The following PRKD1 variants were observed in gnomAD, a reference collection of about 807,000 sequenced individuals.
PRKD1 encodes the protein serine/threonine-protein kinase D1.
In PRKD1, 63 loss-of-function variants were observed where a neutral mutation model predicts 95.9. The ratio of observed to expected loss-of-function variants is 0.66; its 90% CI spans 0.54 to 0.81. The LOEUF is 0.81. Among genes scored for constraint, PRKD1 ranks in the 30% least tolerant of loss-of-function variants. The probability of loss-of-function intolerance (pLI) is 0.00; values close to 1 mark genes in which losing one functional copy is unlikely to be tolerated. For synonymous variants in PRKD1, 425 were observed against 423.1 expected (o/e 1.00, Z -0.05); for missense variants, 1,048 against 1,165.3 (o/e 0.90, Z 1.47).
intron 1 of PRKD1, among the ~76,000 whole-genome samples, chr14:29,770,059 A>G (rs1888434067): frequency 6.6e-6 from 1 of 152,134 alleles, no homozygotes; most frequent in African/African-American, 2.4e-5. Context: ...CTCTTCCACC[A>G]TTGTGAGGAT....
intron 13 of PRKD1, among the ~76,000 whole-genome samples, chr14:29,618,596 A>T (rs1879030824): frequency 6.6e-6 from 1 of 152,210 alleles, no homozygotes; most frequent in Non-Finnish European, 1.5e-5. Context: ...ACATAATAAT[A>T]GTGAAGTATT....
chr14:29,576,739 T>A lies in PRKD1; in HGVS notation c.*499A>T, dbSNP rs931373526. 5.8e-6 allele frequency: 1 copy of A among 172,432 alleles called. No individual in the cohort carries two copies. The highest frequency in any genetic ancestry group is 2.4e-5 in the African/African-American group (1 of 41,976). The allele number at this position is 172,432 out of a possible 1,614,324, so 10.7% of individuals were successfully genotyped here. A position where few individuals can be genotyped will look rare whatever the true frequency, so the allele number is the denominator to read the frequency against. ...CTATACATTAAAACTTGTTCATGCA[T>A]TTGTGTCTTAGGATTTTATTCCCTA... On this transcript the variant is annotated 3_prime_UTR_variant, in exon 18 of 18. Transcript: ENST00000331968.
intron 1 of PRKD1, among the ~76,000 whole-genome samples, chr14:29,726,167 T>C (rs1457280886): frequency 6.6e-6 from 1 of 152,172 alleles, no homozygotes; most frequent in East Asian, 1.9e-4. Flanking sequence ...ATATTCTGTA[T>C]GTGAGTAGTA....
chr14:29,693,135 C>T (rs1884329131), intron 2 of PRKD1, among the ~76,000 whole-genome samples: 4 of 152,228 alleles, frequency 2.6e-5, no homozygotes, highest in Admixed American at 2.0e-4. Context: ...AGTATTTGAA[C>T]TCAACAAGCA....
At chr14:29,764,076 G>T (rs1349696072) in intron 1 of PRKD1, among the ~76,000 whole-genome samples, 1 of 152,050 alleles carries the variant, frequency 6.6e-6, no homozygotes, top group Non-Finnish European at 1.5e-5. Context: ...TCATTCTGCA[G>T]AAGAGAATCA....
intron 1 of PRKD1, among the ~76,000 whole-genome samples, chr14:29,817,095 T>G (rs1890723163): frequency 6.6e-6 from 1 of 152,218 alleles, no homozygotes; most frequent in South Asian, 2.1e-4. Context: ...AGGACATGCT[T>G]CCTTGGGTCA....
At position 29,631,033 on chromosome 14, in the gene PRKD1, A is replaced by T; in HGVS notation, c.1393-12T>A. 6.3e-7 allele frequency: 1 copy of T among 1,589,248 alleles called. No individual in the cohort carries two copies. Among genetic ancestry groups the T allele is most frequent in the Non-Finnish European group, 8.6e-7 (1 of 1,164,486 alleles). On this transcript the variant is annotated splice_polypyrimidine_tract_variant and intron_variant, in intron 9 of 17. Coordinates refer to ENST00000331968, the MANE Select transcript of PRKD1 (RefSeq NM_002742.3). Reference sequence around the variant, plus strand: ...GATAAAGGAATTTCCTGTGAAAGAAAAAAAGTACTAAATGTTGTTTATCAA... The same window carrying T: ...GATAAAGGAATTTCCTGTGAAAGAATAAAAGTACTAAATGTTGTTTATCAA...
At chr14:29,792,401 A>T (rs1167310244) in intron 1 of PRKD1, among the ~76,000 whole-genome samples, 2 of 152,108 alleles carry the variant, frequency 1.3e-5, no homozygotes, top group Admixed American at 1.3e-4. Context: ...GGAGGATGAG[A>T]TACTGCTTTG....
intron 4 of PRKD1, among the ~76,000 whole-genome samples, chr14:29,653,137 C>A (rs868139003): frequency 7.9e-5 from 12 of 152,096 alleles, no homozygotes; most frequent in Non-Finnish European, 7.4e-5. Flanking sequence ...AAAATAATAG[C>A]AGTTTATGGC....
At chr14:29,805,792 G>C (rs1890207322) in intron 1 of PRKD1, among the ~76,000 whole-genome samples, 1 of 152,202 alleles carries the variant, frequency 6.6e-6, no homozygotes, top group African/African-American at 2.4e-5. Flanking sequence ...CTGCTCTCTA[G>C]AACATGATCA....
In PRKD1 at chr14:29,589,949, C is replaced by A. The variant is rs910365257; in HGVS notation, c.2434+7542G>T. Among the ~76,000 whole-genome samples, 12 of 152,058 alleles carry A rather than the reference C, an allele frequency of 7.9e-5. 1 individual carries two copies. Among genetic ancestry groups the A allele is most frequent in the African/African-American group, 2.9e-4 (12 of 41,398 alleles). On this transcript the variant is annotated intron_variant, in intron 16 of 17. Transcript: ENST00000331968. ...TACCTCTAAATAATAAATGCAGTATCTTCTATACTTGTTTCATTGACCCTA... is the reference window on the plus strand; with the variant it reads ...TACCTCTAAATAATAAATGCAGTATATTCTATACTTGTTTCATTGACCCTA...
intron 13 of PRKD1, among the ~76,000 whole-genome samples, chr14:29,622,694 C>T (rs928350521): frequency 9.2e-5 from 14 of 152,124 alleles, no homozygotes; most frequent in African/African-American, 2.7e-4. Flanking sequence ...TGAGCCATCT[C>T]GGCCGGCCTT....
At chr14:29,868,866 G>A (rs542550651) in intron 1 of PRKD1, among the ~76,000 whole-genome samples, 1 of 152,174 alleles carries the variant, frequency 6.6e-6, no homozygotes, top group Admixed American at 6.5e-5. Context: ...GAGGCCAATC[G>A]ATACGGACAC....
rs1242366681 is a variant in PRKD1 at position 29,636,625 on chromosome 14, TA to T, written c.986-132del. The T allele has an allele frequency of 2.7e-5, 24 of 875,460 alleles. No homozygotes were observed. The African/African-American group carries it at 3.3e-4, about 12-fold the overall frequency. 54.2% of individuals were successfully genotyped at this position (875,460 alleles called of 1,614,324 possible). A position where few individuals can be genotyped will look rare whatever the true frequency, so the allele number is the denominator to read the frequency against. On this transcript the variant is annotated intron_variant, in intron 6 of 17. Transcript: ENST00000331968. The stretch of plus-strand genomic sequence containing the variant: ...GTAGTTCTGTGATGAGTTTATTTTT[TA>T]TTTTTTAACTTTTATTTTAAGTTTA...
chr14:29,651,295 T>C (rs762693410), intron 4 of PRKD1, among the ~76,000 whole-genome samples: 1 of 152,216 alleles, frequency 6.6e-6, no homozygotes, highest in Non-Finnish European at 1.5e-5. Context: ...TTTCAGTGCA[T>C]GGCTACACAA....
intron 2 of PRKD1, among the ~76,000 whole-genome samples, chr14:29,721,173 A>G (rs1292143700): frequency 6.6e-6 from 1 of 152,232 alleles, no homozygotes; most frequent in Admixed American, 6.5e-5. Flanking sequence ...CCTGGACTAC[A>G]GTGCCAGCTC....
intron 1 of PRKD1, among the ~76,000 whole-genome samples, chr14:29,923,299 GA>G (rs1895189366): frequency 6.7e-6 from 1 of 148,184 alleles, no homozygotes; most frequent in Non-Finnish European, 1.5e-5. Context: ...GAAATCAGTA[GA>G]CATATAATAT....
intron 4 of PRKD1, among the ~76,000 whole-genome samples, chr14:29,648,487 C>A (rs921030733): frequency 6.6e-6 from 1 of 152,034 alleles, no homozygotes; most frequent in Non-Finnish European, 1.5e-5. Context: ...TTATTAGAGT[C>A]TTTAAATTAT....
At chr14:29,914,513 G>C (rs935190314) in intron 1 of PRKD1, among the ~76,000 whole-genome samples, 1 of 152,172 alleles carries the variant, frequency 6.6e-6, no homozygotes, top group Non-Finnish European at 1.5e-5. Flanking sequence ...TCAGCACTTT[G>C]AGAGGCCAAG....
Sources: gnomAD v4.1 joint callset for allele counts (sites outside exome capture counted in the v4.1 genomes callset) on GRCh38, gnomAD v4.1.1 for gene constraint, MANE v1.5 for transcripts, NCBI Gene and HGNC (gene_info 2026-07-23, HGNC 2026-07-21) for gene names.